The following TMEM135 variants were observed in gnomAD, a reference collection of about 807,000 sequenced individuals.
TMEM135 encodes transmembrane protein 135.
A neutral mutation model predicts 60.3 loss-of-function variants in TMEM135; 30 were observed. The ratio of observed to expected loss-of-function variants is 0.50; its 90% CI spans 0.37 to 0.68. The LOEUF (loss-of-function observed/expected upper bound fraction) is 0.68, where lower values mean the gene tolerates loss of function less well. Ranked by LOEUF, TMEM135 falls within the 30% of genes least tolerant of loss-of-function variation. TMEM135 has a pLI of 0.00. For missense variants in TMEM135, 468 were observed against 548.8 expected, an observed-to-expected ratio of 0.85 and a Z score of 1.47; for synonymous variants, 190 against 186.7, an observed-to-expected ratio of 1.02 and a Z score of -0.14.
chr11:87,233,550 A>G (rs1190607420), intron 5 of TMEM135, among the ~76,000 whole-genome samples: 3 of 152,132 alleles, frequency 2.0e-5, no homozygotes. Flanking sequence ...GTATATAGCT[A>G]TGTTGAAACT....
At chr11:87,174,361 A>G (rs1939317022) in intron 5 of TMEM135, among the ~76,000 whole-genome samples, 1 of 152,186 alleles carries the variant, frequency 6.6e-6, no homozygotes, top group Non-Finnish European at 1.5e-5. Flanking sequence ...CATGTAGGAA[A>G]AAAAAGAATT....
chr11:87,175,461 T>C (rs1413611944), intron 5 of TMEM135, among the ~76,000 whole-genome samples: 10 of 152,230 alleles, frequency 6.6e-5, no homozygotes, highest in Admixed American at 6.5e-4. Flanking sequence ...TTGTTGGCCT[T>C]GTCTGTACCA....
chr11:87,140,236 T>G (rs998716034), intron 4 of TMEM135, among the ~76,000 whole-genome samples: 11 of 151,918 alleles, frequency 7.2e-5, no homozygotes, highest in Admixed American at 5.3e-4. Flanking sequence ...CCCGGCTAAT[T>G]TTTTGTATTT....
At chr11:87,263,286 T>G (rs1448264759) in intron 6 of TMEM135, among the ~76,000 whole-genome samples, 1 of 152,222 alleles carries the variant, frequency 6.6e-6, no homozygotes, top group Non-Finnish European at 1.5e-5. Context: ...ATACAAGAAC[T>G]GTTACTGTGA....
At chr11:87,182,077 GAAT>G (rs1939530318) in intron 5 of TMEM135, among the ~76,000 whole-genome samples, 1 of 151,356 alleles carries the variant, frequency 6.6e-6, no homozygotes, top group Admixed American at 6.6e-5. Context: ...TAAAAATATA[GAAT>G]AATATTTTTA....
intron 6 of TMEM135, among the ~76,000 whole-genome samples, chr11:87,265,982 T>C (rs1941740364): frequency 6.6e-6 from 1 of 152,180 alleles, no homozygotes; most frequent in Non-Finnish European, 1.5e-5. Context: ...CTAAAAGGTT[T>C]TCTTGAAATC....
At chr11:87,244,908 G>C (rs1175701877) in intron 6 of TMEM135, among the ~76,000 whole-genome samples, 1 of 150,884 alleles carries the variant, frequency 6.6e-6, no homozygotes, top group African/African-American at 2.4e-5. Context: ...GAATGTGTTT[G>C]CTCTTGCTTT....
intron 5 of TMEM135, among the ~76,000 whole-genome samples, chr11:87,167,899 T>C (rs1366424069): frequency 6.6e-6 from 1 of 152,248 alleles, no homozygotes; most frequent in Non-Finnish European, 1.5e-5. Flanking sequence ...AGCTCCTCTT[T>C]GTACCTCTGG....
At chr11:87,290,682 C>T (rs1177767900) in intron 6 of TMEM135, among the ~76,000 whole-genome samples, 1 of 152,118 alleles carries the variant, frequency 6.6e-6, no homozygotes, top group African/African-American at 2.4e-5. Context: ...ACATAGTATG[C>T]GATTCCAACC....
chr11:87,038,380 G>T (rs1949722211), intron 1 of TMEM135, among the ~76,000 whole-genome samples, 194 bp downstream of exon 1: 1 of 152,106 alleles, frequency 6.6e-6, no homozygotes, highest in Non-Finnish European at 1.5e-5. Flanking sequence ...TCCTGCAAGG[G>T]AGAAGGAGGA....
intron 5 of TMEM135, among the ~76,000 whole-genome samples, chr11:87,220,085 T>C (rs935208964): frequency 2.0e-5 from 3 of 152,198 alleles, no homozygotes; most frequent in African/African-American, 7.2e-5. Context: ...TTTACCCACT[T>C]TCCTTTATAT....
At chr11:87,309,440 TTCGTATTCTATCAAAAA>T in intron 9 of TMEM135, 48 bp from the exon 10 acceptor site, 2 of 1,548,224 alleles carry the variant, frequency 1.3e-6, no homozygotes, top group Non-Finnish European at 1.8e-6. Context: ...GATGGTAAAA[TTCGTATTCTATCAAAAA>T]CTTCAAAATT....
intron 6 of TMEM135, among the ~76,000 whole-genome samples, chr11:87,295,143 A>G (rs888700063): frequency 2.0e-5 from 3 of 152,164 alleles, no homozygotes; most frequent in Non-Finnish European, 4.4e-5. Context: ...TAAATGAGAC[A>G]ACACATATAA....
chr11:87,280,849 C>T (rs1292153553), intron 6 of TMEM135, among the ~76,000 whole-genome samples: 1 of 152,142 alleles, frequency 6.6e-6, no homozygotes, highest in African/African-American at 2.4e-5. Flanking sequence ...AACACTCCAA[C>T]CTATAGACTT....
intron 5 of TMEM135, among the ~76,000 whole-genome samples, chr11:87,166,466 C>T (rs769246532): frequency 9.2e-5 from 14 of 151,378 alleles, no homozygotes; most frequent in Admixed American, 1.3e-4. Context: ...TAATCCATCT[C>T]GAGTTAATTT....
intron 5 of TMEM135, among the ~76,000 whole-genome samples, chr11:87,198,280 A>C (rs1007771307): frequency 1.3e-5 from 2 of 152,198 alleles, no homozygotes; most frequent in Non-Finnish European, 2.9e-5. Flanking sequence ...ATTTTACTAC[A>C]CATTTGTATT....
Position 87,213,386 on chromosome 11 carries a change from A to G in TMEM135, c.463-23252A>G, listed in dbSNP as rs139379338. On this transcript the variant is annotated intron_variant, in intron 5 of 14. Coordinates refer to ENST00000305494, the MANE Select transcript of TMEM135 (RefSeq NM_022918.4). The stretch of plus-strand genomic sequence containing the variant: ...TGTATAACAGAATATCAAGCTGAAT[A>G]CGTCATAAAAAATGACCGAGGGTAC... 9.2e-5 allele frequency among the ~76,000 whole-genome samples: 14 copies of G among 152,278 alleles called. No individual in the cohort carries two copies. In the East Asian group the frequency reaches 2.7e-3, roughly 29 times the overall value.
chr11:87,037,970 G>C lies in TMEM135; in HGVS notation c.-76G>C, dbSNP rs769712912. The C allele has an allele frequency of 6.2e-7, 1 of 1,601,064 alleles. No individual in the cohort carries two copies. Among genetic ancestry groups the C allele is most frequent in the Non-Finnish European group, 8.5e-7 (1 of 1,175,448 alleles). Reference sequence around the variant, plus strand: ...CCGAGTGCTGGCCGGGCGAGAGGCTGGCGGCTGGGCTCTCGCGCCCCTCCC... The same window carrying C: ...CCGAGTGCTGGCCGGGCGAGAGGCTCGCGGCTGGGCTCTCGCGCCCCTCCC... On this transcript the variant is annotated 5_prime_UTR_variant, in exon 1 of 15. Transcript: ENST00000305494.
chr11:87,080,163 G>A (rs1304128337), intron 3 of TMEM135, among the ~76,000 whole-genome samples: 1 of 128,216 alleles, frequency 7.8e-6, no homozygotes, highest in Non-Finnish European at 1.6e-5. Flanking sequence ...TTGCCTGTTT[G>A]CAGTGTTTTT....
Sources: allele counts gnomAD v4.1 joint callset (sites outside exome capture counted in the v4.1 genomes callset), GRCh38; gene constraint gnomAD v4.1.1; transcripts MANE v1.5; gene names NCBI Gene and HGNC (gene_info 2026-07-23, HGNC 2026-07-21).